The following GNG2 variants were observed in gnomAD, a reference collection of about 807,000 sequenced individuals.
The protein encoded by GNG2 is G protein subunit gamma 2.
In GNG2, 5 loss-of-function variants were observed where a neutral mutation model predicts 5.5. The ratio of observed to expected loss-of-function variants is 0.91; its 90% CI spans 0.48 to 1.92. The LOEUF (loss-of-function observed/expected upper bound fraction) is 1.92, where lower values mean the gene tolerates loss of function less well. GNG2 is among the 30% of genes most tolerant of loss of function. The pLI, the probability that GNG2 is intolerant of heterozygous loss-of-function variation, is 0.01. For synonymous variants in GNG2, 28 were observed against 32.0 expected (o/e 0.88, Z 0.42); for missense variants, 55 against 88.4 (o/e 0.62, Z 1.52).
intron 2 of GNG2, chr14:51,841,676 T>G (rs1019230145): frequency 1.6e-6 from 1 of 612,442 alleles, no homozygotes; most frequent in Non-Finnish European, 2.9e-6. Flanking sequence ...AAGGGTAGGA[T>G]GGAGGCAGAT....
intron 2 of GNG2, among the ~76,000 whole-genome samples, chr14:51,903,102 G>C (rs947201248): frequency 6.6e-6 from 1 of 151,990 alleles, no homozygotes; most frequent in Non-Finnish European, 1.5e-5. Flanking sequence ...CTTTAAAATT[G>C]TTTACAGTAG....
chr14:51,854,944 T>C (rs1229739543), intron 2 of GNG2, among the ~76,000 whole-genome samples: 2 of 152,162 alleles, frequency 1.3e-5, no homozygotes, highest in African/African-American at 4.8e-5. Context: ...TTAGCCCTCC[T>C]CCAGCCGCCT....
chr14:51,897,392 G>A (rs1180931562), intron 2 of GNG2, among the ~76,000 whole-genome samples: 1 of 152,178 alleles, frequency 6.6e-6, no homozygotes, highest in Non-Finnish European at 1.5e-5. Context: ...TAAGGAGGCA[G>A]GTTGTCATCT....
At chr14:51,834,645 C>T (rs1258902860) in intron 2 of GNG2, among the ~76,000 whole-genome samples, 1 of 152,178 alleles carries the variant, frequency 6.6e-6, no homozygotes, top group Non-Finnish European at 1.5e-5. Context: ...ATTGAGATTG[C>T]TAAAGCCATT....
intron 2 of GNG2, among the ~76,000 whole-genome samples, chr14:51,914,796 A>G (rs898717328): frequency 1.3e-5 from 2 of 152,194 alleles, no homozygotes; most frequent in Admixed American, 1.3e-4. Context: ...AATGTAATAC[A>G]GACCAAATAC....
intron 2 of GNG2, among the ~76,000 whole-genome samples, chr14:51,931,698 G>C (rs1393770258): frequency 1.3e-5 from 2 of 152,162 alleles, no homozygotes; most frequent in African/African-American, 2.4e-5. Context: ...AAAATACCAA[G>C]TATTGGTGAG....
chr14:51,935,437 C>G (rs1887936551), intron 2 of GNG2, among the ~76,000 whole-genome samples: 1 of 152,142 alleles, frequency 6.6e-6, no homozygotes, highest in Admixed American at 6.5e-5. Flanking sequence ...TCACACACTC[C>G]CACCCATCCA....
chr14:51,897,744 C>T (rs992724411), intron 2 of GNG2, among the ~76,000 whole-genome samples: 6 of 152,160 alleles, frequency 3.9e-5, no homozygotes, highest in East Asian at 1.9e-4. Flanking sequence ...CGTGAACTTA[C>T]GTGATGGCCA....
At chr14:51,911,948 GA>G (rs1177670340) in intron 2 of GNG2, among the ~76,000 whole-genome samples, 1 of 147,338 alleles carries the variant, frequency 6.8e-6, no homozygotes, top group Non-Finnish European at 1.5e-5. Context: ...CTTAGTAAAT[GA>G]AAAAAAGTAT....
At chr14:51,854,882 C>G (rs544997952) in intron 2 of GNG2, among the ~76,000 whole-genome samples, 8 of 152,286 alleles carry the variant, frequency 5.3e-5, no homozygotes, top group African/African-American at 1.7e-4. Flanking sequence ...CTTCTCCCTG[C>G]CTGTGTCCCT....
At chr14:51,872,514 C>T (rs899816612) in intron 1 of GNG2, among the ~76,000 whole-genome samples, 2 of 152,012 alleles carry the variant, frequency 1.3e-5, no homozygotes, top group East Asian at 1.9e-4. Flanking sequence ...ACTGTGATGC[C>T]GATGTTAGGA....
At chr14:51,852,681 A>G (rs564742784) in intron 2 of GNG2, among the ~76,000 whole-genome samples, 162 of 152,374 alleles carry the variant, frequency 1.1e-3, no homozygotes, top group African/African-American at 1.3e-3. Context: ...TCTATACTAC[A>G]TAATTCTTCT....
chr14:51,842,774 C>T (rs565492003), intron 2 of GNG2, among the ~76,000 whole-genome samples: 4 of 152,030 alleles, frequency 2.6e-5, no homozygotes, highest in African/African-American at 7.2e-5. Context: ...AAGCAATTCT[C>T]GTGCCTCAGC....
intron 2 of GNG2, among the ~76,000 whole-genome samples, chr14:51,883,009 CAA>C (rs1208060740): frequency 1.0e-4 from 5 of 49,302 alleles, no homozygotes; most frequent in Admixed American, 3.9e-4. Flanking sequence ...GACTCCATCT[CAA>C]AAAAAAAAAA....
intron 2 of GNG2, among the ~76,000 whole-genome samples, chr14:51,933,350 A>G (rs189179343): frequency 3.3e-5 from 5 of 152,300 alleles, no homozygotes; most frequent in Admixed American, 2.0e-4. Flanking sequence ...GGGGGAAACT[A>G]TTTATAGTGG....
chr14:51,927,753 G>C (rs956720902), intron 2 of GNG2, among the ~76,000 whole-genome samples: 14 of 152,182 alleles, frequency 9.2e-5, no homozygotes, highest in Admixed American at 3.9e-4. Flanking sequence ...CAGGATTTCT[G>C]TTCAATTGCC....
chr14:51,931,080 A>T (rs1368829265), intron 2 of GNG2, among the ~76,000 whole-genome samples: 1 of 152,216 alleles, frequency 6.6e-6, no homozygotes, highest in Non-Finnish European at 1.5e-5. Flanking sequence ...CCTGGGTGAT[A>T]GAGCAAGACT....
At chr14:51,934,056 C>T (rs778663662) in intron 2 of GNG2, among the ~76,000 whole-genome samples, 6 of 152,106 alleles carry the variant, frequency 3.9e-5, no homozygotes, top group Admixed American at 6.5e-5. Context: ...GAGTTGGATC[C>T]GACCAGGATT....
chr14:51,928,582 T>G (rs1887475813), intron 2 of GNG2, among the ~76,000 whole-genome samples: 2 of 152,156 alleles, frequency 1.3e-5, no homozygotes, highest in Admixed American at 6.5e-5. Context: ...GAAGCTCCTG[T>G]GGCAAACGGA....
Sources: gnomAD v4.1 joint callset for allele counts (sites outside exome capture counted in the v4.1 genomes callset) on GRCh38, gnomAD v4.1.1 for gene constraint, MANE v1.5 for transcripts, NCBI Gene and HGNC (gene_info 2026-07-23, HGNC 2026-07-21) for gene names.